GGA3: variants seen among roughly 807,000 people sequenced by gnomAD.
GGA3 encodes ADP-ribosylation factor-binding protein GGA3.
Under a neutral mutation model 77.5 loss-of-function variants are expected in GGA3, and 57 were observed. The ratio of observed to expected loss-of-function variants is 0.74; its 90% CI spans 0.59 to 0.92. GGA3 has a LOEUF of 0.92. GGA3 is among the 40% of genes least tolerant of loss of function. GGA3 has a pLI of 0.00. For missense variants in GGA3, 970 were observed against 914.9 expected (o/e 1.06, Z -0.78); for synonymous variants, 416 against 383.7 (o/e 1.08, Z -0.98).
At position 75,242,476 on chromosome 17, in the gene GGA3, G is replaced by A. The variant is rs757842603; in HGVS notation, c.610-3C>T. ...ACCTTCTGGATCCGTGCCTCGTCCT[G>A]CCCCAGTGAAGAAGTTCAAGAGAAA... On this transcript the variant is annotated splice_region_variant and splice_polypyrimidine_tract_variant and intron_variant, in intron 7 of 16. Transcript: ENST00000537686. 1.9e-6 allele frequency: 3 copies of A among 1,614,066 alleles called. No individual in the cohort carries two copies. The highest frequency in any genetic ancestry group is 3.3e-5 in the Admixed American group (2 of 60,022).
chr17:75,240,203 G>T, intron 12 of GGA3, 95 bp from the exon 13 acceptor site: 2 of 1,198,192 alleles, frequency 1.7e-6, no homozygotes, highest in Non-Finnish European at 2.4e-6. Context: ...ACGGAAGACA[G>T]CCCCGGAGGC....
intron 1 of GGA3, 110 bp downstream of exon 1, chr17:75,261,438 G>A (rs2077371939): frequency 2.4e-6 from 2 of 822,248 alleles, no homozygotes; most frequent in East Asian, 3.3e-5. Context: ...GCGAGACCGG[G>A]CGTGGGCTGC....
At chr17:75,247,536 A>G (rs1047907307) in intron 1 of GGA3, among the ~76,000 whole-genome samples, 1 of 152,244 alleles carries the variant, frequency 6.6e-6, no homozygotes, top group Non-Finnish European at 1.5e-5. Context: ...TGCTGGGATT[A>G]CAGGCGTGAG....
At position 75,243,436 on chromosome 17, in the gene GGA3, C is replaced by T; in HGVS notation, c.424+11G>A. On this transcript the variant is annotated intron_variant, in intron 5 of 16. Transcript: ENST00000537686. ...GGGCTGCCTGGAGGCTGCGGGCAGGCAGACACGTACCCTGTCTCTTCAGCA... is the reference window on the plus strand; with the variant it reads ...GGGCTGCCTGGAGGCTGCGGGCAGGTAGACACGTACCCTGTCTCTTCAGCA... The T allele has an allele frequency of 2.5e-6, 4 of 1,613,958 alleles. No homozygotes were observed. Among genetic ancestry groups the T allele is most frequent in the Non-Finnish European group, 3.4e-6 (4 of 1,179,934 alleles).
At chr17:75,247,525 G>C (rs933452756) in intron 1 of GGA3, among the ~76,000 whole-genome samples, 6 of 152,194 alleles carry the variant, frequency 3.9e-5, no homozygotes, top group Non-Finnish European at 4.4e-5. Context: ...GCCTCCCAAA[G>C]TGCTGGGATT....
At chr17:75,246,902 A>T in intron 1 of GGA3, 106 bp from the exon 2 acceptor site, 1 of 829,226 alleles carries the variant, frequency 1.2e-6, no homozygotes, top group East Asian at 2.5e-5. Context: ...TTTCAACTTT[A>T]CTCTCTAATA....
chr17:75,259,830 C>T (rs1199469659), intron 1 of GGA3, among the ~76,000 whole-genome samples: 3 of 152,178 alleles, frequency 2.0e-5, no homozygotes, highest in Non-Finnish European at 4.4e-5. Context: ...GACTCCCCCC[C>T]ACCAAGTGTG....
chr17:75,260,078 G>C (rs2077299442), intron 1 of GGA3, among the ~76,000 whole-genome samples: 3 of 152,304 alleles, frequency 2.0e-5, no homozygotes, highest in Non-Finnish European at 4.4e-5. Context: ...GAGCACAGGG[G>C]TTCAAGGCTG....
rs1298562898 is a variant in GGA3, at chr17:75,241,710, G to A, written c.748-14C>T. 13 of 1,610,874 alleles carry A rather than the reference G, an allele frequency of 8.1e-6. No homozygotes were observed. Among genetic ancestry groups the A allele is most frequent in the African/African-American group, 1.3e-5 (1 of 74,844 alleles). On this transcript the variant is annotated splice_polypyrimidine_tract_variant and intron_variant, in intron 8 of 16. Coordinates refer to ENST00000537686, the MANE Select transcript of GGA3 (RefSeq NM_138619.4). ...ATCAAACAGCTCCTGAAAGAGACTC[G>A]GACATAAAAATCAAACCACAAAGGC... is the stretch of plus-strand genomic sequence containing the variant.
At chr17:75,262,122 C>A (rs776823262), upstream of GGA3, 87 of 1,027,242 alleles carry the variant, frequency 8.5e-5, no homozygotes, top group Non-Finnish European at 1.2e-4. Flanking sequence ...AGCTGCGTGA[C>A]CCTGCGCCAA....
chr17:75,261,864 G>T (rs1467752741), upstream of GGA3: 2 of 1,595,072 alleles, frequency 1.3e-6, no homozygotes, highest in Non-Finnish European at 8.5e-7. Context: ...CAGGCGCGCC[G>T]AGGGCAGTCC....
chr17:75,261,623 C>T, upstream of GGA3: 1 of 1,520,136 alleles, frequency 6.6e-7, no homozygotes, highest in Non-Finnish European at 8.8e-7. Context: ...TCAAAACTCG[C>T]GAGAGTCTGC....
chr17:75,246,703 G>C lies in GGA3; in HGVS notation c.125+9C>G, dbSNP rs1477469612. ...CCCTCTCAGCTGCCCCCACAGTGCT[G>C]AGACTCACCCTTCCAGCTCCTTGTT... On this transcript the variant is annotated intron_variant, in intron 2 of 16. Transcript: ENST00000537686. 1 of 1,611,712 alleles carries C rather than the reference G, an allele frequency of 6.2e-7. No individual in the cohort carries two copies. The highest frequency in any genetic ancestry group is 1.1e-5 in the South Asian group (1 of 91,038).
rs767331638 is a variant in GGA3, at chr17:75,239,091, A to G, written c.1781-8T>C. 8.1e-6 allele frequency: 13 copies of G among 1,611,220 alleles called. No homozygotes were observed. In the Admixed American group the frequency reaches 1.7e-4, roughly 21 times the overall value. On this transcript the variant is annotated splice_polypyrimidine_tract_variant and splice_region_variant and intron_variant, in intron 14 of 16. Transcript: ENST00000537686. ...TCACAGGAAGGGCACTGCCTGTAAGAACGTGACGTGAGTGTGGGAGGAGCA... is the reference window on the plus strand; with the variant it reads ...TCACAGGAAGGGCACTGCCTGTAAGGACGTGACGTGAGTGTGGGAGGAGCA...
At chr17:75,260,481 A>T (rs1457016499) in intron 1 of GGA3, among the ~76,000 whole-genome samples, 1 of 152,162 alleles carries the variant, frequency 6.6e-6, no homozygotes. Flanking sequence ...TGCAAACGTG[A>T]TCTTACTTTT....
chr17:75,260,905 G>C (rs939362185), intron 1 of GGA3, among the ~76,000 whole-genome samples: 1 of 151,818 alleles, frequency 6.6e-6, no homozygotes, highest in African/African-American at 2.4e-5. Flanking sequence ...GATATTCAAG[G>C]GGGTATATGT....
At position 75,237,741 on chromosome 17, in the gene GGA3, C is replaced by G; in HGVS notation, c.*538G>C. 7.0e-7 allele frequency: 1 copy of G among 1,432,130 alleles called. No homozygotes were observed. The allele number at this position is 1,432,130 out of a possible 1,614,324, so 88.7% of individuals were successfully genotyped here. On this transcript the variant is annotated 3_prime_UTR_variant, in exon 17 of 17. Coordinates refer to ENST00000537686, the MANE Select transcript of GGA3 (RefSeq NM_138619.4). ...CTGGGGACTTTGCAGTATGCCAGTT[C>G]CTTATTCTGGGCCAGGCACCTTCCT...
intron 1 of GGA3, 94 bp downstream of exon 1, chr17:75,261,454 G>A (rs556608344): frequency 4.8e-6 from 5 of 1,046,886 alleles, no homozygotes; most frequent in South Asian, 4.5e-5. Flanking sequence ...GCTGCCAAGA[G>A]GCGACGCCGT....
In GGA3 at chr17:75,241,492, T is replaced by C; in HGVS notation, c.854A>G (p.Asn285Ser). 1 of 1,613,694 alleles carries C rather than the reference T, an allele frequency of 6.2e-7. No individual in the cohort carries two copies. The highest frequency in any genetic ancestry group is 1.1e-5 in the South Asian group (1 of 91,074). The change falls in exon 10 of 17, where the codon AAC (asparagine) becomes AGC (serine). Residue 285 changes from asparagine (N) to serine (S), a missense_variant. By Grantham distance (46) the Asn-to-Ser change is conservative. Transcript: ENST00000537686. ...GTAAGAGTTGATGACCCGGGAGAGG[T>C]TGTCACTGGCTTGCAGGATGTCCCC... The part of the protein sequence containing the change: ...SLGDILQASD[N>S]LSRVINSYKT...
Sources: allele counts gnomAD v4.1 joint callset (sites outside exome capture counted in the v4.1 genomes callset), GRCh38; gene constraint gnomAD v4.1.1; transcripts MANE v1.5; gene names NCBI Gene and HGNC (gene_info 2026-07-23, HGNC 2026-07-21).